The following MEI1 variants were observed in gnomAD, a reference collection of about 807,000 sequenced individuals.
MEI1 encodes the protein meiotic double-stranded break formation protein 1.
MEI1 carries 103 observed loss-of-function variants against 146.2 expected under a neutral mutation model. The observed-to-expected ratio is 0.70, with a 90% confidence interval of 0.60 to 0.83. The LOEUF is 0.83. Among genes scored for constraint, MEI1 ranks in the 40% least tolerant of loss-of-function variants. The pLI is 0.00. For synonymous variants in MEI1, 652 were observed against 628.2 expected (o/e 1.04, Z -0.57); for missense variants, 1,529 against 1,533.0 (o/e 1.00, Z 0.04).
rs755598600 is a variant in MEI1 at position 41,795,810 on chromosome 22, A to C, written c.3742A>C (p.Ser1248Arg). The change falls in exon 30 of 31, where the codon AGC (serine) becomes CGC (arginine). Residue 1248 changes from serine to arginine, a missense_variant. Physicochemically the swap from Ser to Arg is moderately radical, Grantham distance 110 (BLOSUM62 -1). Coordinates refer to ENST00000401548, the MANE Select transcript of MEI1 (RefSeq NM_152513.4). The surrounding 1 kb of genome is among the most constrained non-coding windows in gnomAD (Gnocchi z 4.2). ...LQASLEGLPP[S>R]TSSGQPPLQD... ...GGCCTCCTTGGAGGGCCTTCCCCCT[A>C]GCACCTCCTCAGGCCAGCCACCCCT... The C allele has an allele frequency of 6.2e-7, 1 of 1,613,576 alleles. No homozygotes were observed. Among genetic ancestry groups the C allele is most frequent in the Non-Finnish European group, 8.5e-7 (1 of 1,179,742 alleles).
At chr22:41,754,205 A>G (rs1369899797) in intron 17 of MEI1, among the ~76,000 whole-genome samples, 159 bp downstream of exon 17, 1 of 152,134 alleles carries the variant, frequency 6.6e-6, no homozygotes, top group Non-Finnish European at 1.5e-5. Context: ...GTTGATTCCT[A>G]GGGATATGAA....
chr22:41,799,415 T>A lies in MEI1; in HGVS notation c.*116T>A. The A allele has an allele frequency of 1.1e-6, 1 of 952,376 alleles. No individual in the cohort carries two copies. Among genetic ancestry groups the A allele is most frequent in the Non-Finnish European group, 1.6e-6 (1 of 615,102 alleles). The allele number at this position is 952,376 out of a possible 1,614,324, so 59.0% of individuals were successfully genotyped here. A position where few individuals can be genotyped will look rare whatever the true frequency, so the allele number is the denominator to read the frequency against. On this transcript the variant is annotated 3_prime_UTR_variant, in exon 31 of 31. Transcript: ENST00000401548. ...TATTCATATGGAGCCATATACTCTA[T>A]TGTTGAAATAGAATAAGGAAATAAA... is the stretch of plus-strand genomic sequence containing the variant.
At chr22:41,740,240 G>A (rs751184250) in intron 11 of MEI1, among the ~76,000 whole-genome samples, 22 of 152,018 alleles carry the variant, frequency 1.4e-4, no homozygotes, top group Non-Finnish European at 2.2e-4. Flanking sequence ...GGCTGGTATC[G>A]AATTCCTGAC....
Position 41,758,519 on chromosome 22 carries a change from C to T in MEI1, c.2106C>T (p.Tyr702=), listed in dbSNP as rs368740031. 1.7e-5 allele frequency: 28 copies of T among 1,612,918 alleles called. No individual in the cohort carries two copies. The highest frequency in any genetic ancestry group is 2.3e-5 in the Non-Finnish European group (27 of 1,179,386). The change falls in exon 18 of 31, where the codon TAC becomes TAT. Residue 702 remains tyrosine (Y), a synonymous_variant. Transcript: ENST00000401548. The part of the protein sequence containing the change: ...YCILLLFYLA[Y]IHEDRFVSEA... Reference sequence around the variant, plus strand: ...TCCTGCTCCTCTTCTACTTGGCCTACATCCATGAAGACAGGTCAGTGCACA... The same window carrying T: ...TCCTGCTCCTCTTCTACTTGGCCTATATCCATGAAGACAGGTCAGTGCACA...
chr22:41,705,730 C>T (rs1388001796), intron 3 of MEI1, among the ~76,000 whole-genome samples, 176 bp downstream of exon 3: 1 of 139,378 alleles, frequency 7.2e-6, no homozygotes, highest in Non-Finnish European at 1.5e-5. Context: ...TTTTTTGAGA[C>T]GGAATCTTGC....
rs964108758 is a variant in MEI1, at chr22:41,772,453, C to T, written c.2544+1492C>T. On this transcript the variant is annotated intron_variant, in intron 20 of 30. Transcript: ENST00000401548. ...AGGTCAGGAGTTCAAGACCAAGTAG[C>T]TGGAACTACAAGCATGTGCTACTGT... 5.6e-4 allele frequency among the ~76,000 whole-genome samples: 85 copies of T among 152,202 alleles called. 2 individuals carry two copies. Among genetic ancestry groups the T allele is most frequent in the Admixed American group, 5.4e-3 (83 of 15,280 alleles).
At chr22:41,766,081 C>T (rs990402067) in intron 19 of MEI1, among the ~76,000 whole-genome samples, 3 of 151,352 alleles carry the variant, frequency 2.0e-5, no homozygotes, top group African/African-American at 7.3e-5. Flanking sequence ...TTAGTAGAGA[C>T]GGGGTTTCAC....
At chr22:41,713,793 C>T (rs60921097) in intron 3 of MEI1, among the ~76,000 whole-genome samples, 1,781 of 152,308 alleles carry the variant, frequency 0.012, 39 homozygotes, top group African/African-American at 0.041. Flanking sequence ...GGTGATCCGC[C>T]TGCCTCGGCC....
At chr22:41,726,186 G>T (rs2071338470) in intron 7 of MEI1, among the ~76,000 whole-genome samples, 2 of 152,156 alleles carry the variant, frequency 1.3e-5, no homozygotes, top group African/African-American at 4.8e-5. Context: ...GCTGAGGCAG[G>T]AGAATATAGC....
At chr22:41,737,080 C>G (rs1225839897) in intron 11 of MEI1, among the ~76,000 whole-genome samples, 2 of 152,156 alleles carry the variant, frequency 1.3e-5, no homozygotes. Flanking sequence ...CAAACTTATT[C>G]CTGCCACTAA....
chr22:41,763,191 A>G lies in MEI1; in HGVS notation c.2138A>G (p.Glu713Gly). The G allele has an allele frequency of 6.2e-7, 1 of 1,613,920 alleles. No individual in the cohort carries two copies. The highest frequency in any genetic ancestry group is 8.5e-7 in the Non-Finnish European group (1 of 1,179,866). Reference sequence around the variant, plus strand: ...GTTGACAGGTTTGTCTCAGAGGCAGAGTTATTTGAGGCTGTGCAAAGCTTC... The same window carrying G: ...GTTGACAGGTTTGTCTCAGAGGCAGGGTTATTTGAGGCTGTGCAAAGCTTC... ...IHEDRFVSEA[E>G]LFEAVQSFLL... is the part of the protein sequence containing the mutation. Residue 713 changes from glutamate (E) to glycine (G), a missense_variant, in exon 19 of 31, where the codon GAG becomes GGG. Physicochemically the swap from Glu to Gly is moderately conservative, Grantham distance 98. This residue lies in a region of MEI1 where 1,212 missense variants were observed against 1,178.9 expected (regional missense o/e 1.03). Coordinates refer to ENST00000401548, the MANE Select transcript of MEI1 (RefSeq NM_152513.4).
chr22:41,713,188 G>A (rs1361451286), intron 3 of MEI1, among the ~76,000 whole-genome samples: 1 of 152,124 alleles, frequency 6.6e-6, no homozygotes, highest in Non-Finnish European at 1.5e-5. Flanking sequence ...ATAAATCAAA[G>A]AAGGCCAGGC....
chr22:41,703,231 C>G (rs143376675), intron 1 of MEI1, 100 bp from the exon 2 acceptor site: 2 of 1,315,122 alleles, frequency 1.5e-6, no homozygotes, highest in East Asian at 2.5e-5. Flanking sequence ...TTAAATGATC[C>G]CTTGTATCAT....
intron 9 of MEI1, among the ~76,000 whole-genome samples, chr22:41,731,522 T>TG (rs1476017358): frequency 7.7e-5 from 2 of 26,142 alleles, no homozygotes; most frequent in Non-Finnish European, 6.7e-4. Flanking sequence ...ACCTGGCTAA[T>TG]TTTTTTGTAT....
intron 20 of MEI1, among the ~76,000 whole-genome samples, chr22:41,771,954 A>G (rs1379927415): frequency 6.6e-6 from 1 of 152,224 alleles, no homozygotes; most frequent in Non-Finnish European, 1.5e-5. Flanking sequence ...GTCCAGGGAT[A>G]GTAGTGACAA....
At chr22:41,738,558 G>A (rs1265573303) in intron 11 of MEI1, among the ~76,000 whole-genome samples, 1 of 152,052 alleles carries the variant, frequency 6.6e-6, no homozygotes, top group African/African-American at 2.4e-5. Flanking sequence ...CTGCACTTCA[G>A]CCTGGGCAAC....
At chr22:41,780,473 T>G (rs191659428) in intron 22 of MEI1, among the ~76,000 whole-genome samples, 83 of 152,270 alleles carry the variant, frequency 5.5e-4, no homozygotes, top group African/African-American at 1.8e-3. Flanking sequence ...CAGTGTAATG[T>G]TGCACTGATG....
Position 41,781,720 on chromosome 22 carries a change from G to T in MEI1, c.2962G>T (p.Glu988Ter), listed in dbSNP as rs775804723. ...GCTCCTGAGCAGCACAGGCCTGATG[G>T]AGCTTCTGGAGAAGATGCTGGCCCT... ...AVLLSSTGLMELLEKMLALTL... is the reference protein window; with the variant it reads ...AVLLSSTGLM Residue 988 changes from glutamate (E) to a stop codon, truncating the protein, a stop_gained, in exon 24 of 31, where the codon GAG (glutamate) becomes TAG (stop). Transcript: ENST00000401548. LOFTEE classifies it high-confidence loss of function. 6 of 1,613,792 alleles carry T rather than the reference G, an allele frequency of 3.7e-6. No individual in the cohort carries two copies. Among genetic ancestry groups the T allele is most frequent in the Non-Finnish European group, 4.2e-6 (5 of 1,179,890 alleles).
At chr22:41,732,733 G>A (rs997278271) in intron 11 of MEI1, 130 bp downstream of exon 11, 2 of 1,019,388 alleles carry the variant, frequency 2.0e-6, no homozygotes, top group Non-Finnish European at 2.7e-6. Flanking sequence ...CTTCATAATT[G>A]TGGATTCCAC....
Sources: allele counts gnomAD v4.1 joint callset (sites outside exome capture counted in the v4.1 genomes callset), GRCh38; gene constraint gnomAD v4.1.1; regional missense constraint gnomAD v4.1.1; non-coding constraint Gnocchi (gnomAD v3.1); transcripts MANE v1.5; gene names NCBI Gene and HGNC (gene_info 2026-07-23, HGNC 2026-07-21).